Variants in MACROH2A2 observed in about 807,000 individuals in gnomAD.
MACROH2A2 encodes macroH2A.2 histone, also known as core histone macro-H2A.2.
Under a neutral mutation model 37.6 loss-of-function variants are expected in MACROH2A2, and 6 were observed. The observed-to-expected ratio is 0.16, with a 90% CI of 0.09 to 0.32. The LOEUF (loss-of-function observed/expected upper bound fraction) is 0.32. MACROH2A2 is among the 10% of genes least tolerant of loss of function. The pLI, the probability that MACROH2A2 is intolerant of heterozygous loss-of-function variation, is 1.00. For synonymous variants in MACROH2A2, 192 were observed against 202.7 expected, an observed-to-expected ratio of 0.95 and a Z score of 0.45; for missense variants, 290 against 485.9, an observed-to-expected ratio of 0.60 and a Z score of 3.79.
chr10:70,090,939 G>A (rs1024701378), intron 3 of MACROH2A2, among the ~76,000 whole-genome samples: 4 of 152,346 alleles, frequency 2.6e-5, no homozygotes, highest in East Asian at 1.9e-4. Context: ...TGTTGGTTTC[G>A]AATCTGCAGA....
intron 1 of MACROH2A2, among the ~76,000 whole-genome samples, chr10:70,069,107 G>A (rs186170782): frequency 1.2e-3 from 181 of 152,304 alleles, no homozygotes; most frequent in Non-Finnish European, 1.6e-3. Flanking sequence ...TTTATTGCCC[G>A]TGTCTGAGTC....
rs1439418506 is a variant in MACROH2A2, at chr10:70,053,485, T to G, written c.-60+485T>G. Among the ~76,000 whole-genome samples, 11 of 150,954 alleles carry G rather than the reference T, an allele frequency of 7.3e-5. No homozygotes were observed. The highest frequency in any genetic ancestry group is 1.5e-4 in the Non-Finnish European group (10 of 67,620). ...AGGGCCGCTCGGGGGCCTCTGAAGG[T>G]GCCCGGGCAGGGCGCCGGCGGCTCC... On this transcript the variant is annotated intron_variant, in intron 1 of 8. Transcript: ENST00000373255. This position sits in a 1 kb window ranked among gnomAD's most constrained non-coding sequence, Gnocchi z 4.8.
At chr10:70,090,939 G>T (rs1024701378) in intron 3 of MACROH2A2, among the ~76,000 whole-genome samples, 1 of 152,228 alleles carries the variant, frequency 6.6e-6, no homozygotes, top group Non-Finnish European at 1.5e-5. Flanking sequence ...TGTTGGTTTC[G>T]AATCTGCAGA....
intron 2 of MACROH2A2, among the ~76,000 whole-genome samples, chr10:70,087,476 AC>A (rs199811102): frequency 0.049 from 7,402 of 151,792 alleles, 199 homozygotes; most frequent in Non-Finnish European, 0.054. Flanking sequence ...CAAGGGATCC[AC>A]CCATCTCTGC....
chr10:70,064,811 C>T (rs568593608), intron 1 of MACROH2A2, among the ~76,000 whole-genome samples: 25 of 152,044 alleles, frequency 1.6e-4, no homozygotes, highest in African/African-American at 5.5e-4. Flanking sequence ...TCTTTTTGTT[C>T]CCAGTTTTGC....
chr10:70,068,934 T>C (rs1409479742), intron 1 of MACROH2A2, among the ~76,000 whole-genome samples: 12 of 152,244 alleles, frequency 7.9e-5, no homozygotes, highest in Non-Finnish European at 1.5e-5. Context: ...ATGTAGTTTC[T>C]TGTTCAATAA....
chr10:70,078,379 G>A (rs1055300585), intron 2 of MACROH2A2, among the ~76,000 whole-genome samples: 1 of 152,200 alleles, frequency 6.6e-6, no homozygotes, highest in South Asian at 2.1e-4. Context: ...CCTGGGCCAC[G>A]TGGAGGAGGA....
At position 70,103,659 on chromosome 10, in the gene MACROH2A2, G is replaced by A; in HGVS notation, c.778+3362G>A. On this transcript the variant is annotated intron_variant, in intron 7 of 8. Coordinates refer to ENST00000373255, the MANE Select transcript of MACROH2A2 (RefSeq NM_018649.3). ...ATACATGAAAATAAATCCAAAACCT[G>A]GAGTGTTGTGGTAAAGCCTTAGAAA... is the stretch of plus-strand genomic sequence containing the variant. 1.3e-5 allele frequency among the ~76,000 whole-genome samples: 2 copies of A among 152,086 alleles called. 1 individual carries two copies. Among genetic ancestry groups the A allele is most frequent in the Non-Finnish European group, 2.9e-5 (2 of 68,026 alleles).
rs143447677 is a variant in MACROH2A2 at position 70,055,771 on chromosome 10, C to T, written c.-60+2771C>T. On this transcript the variant is annotated intron_variant, in intron 1 of 8. Transcript: ENST00000373255. ...ATAATGCACACATTCTGTGACTCACCATTCCATTTCTCAGTATGTCACCCA... is the reference window on the plus strand; with the variant it reads ...ATAATGCACACATTCTGTGACTCACTATTCCATTTCTCAGTATGTCACCCA... Among the ~76,000 whole-genome samples the T allele has an allele frequency of 1.7e-3, 255 of 152,264 alleles. 1 individual carries two copies. Among genetic ancestry groups the T allele is most frequent in the South Asian group, 9.3e-3 (45 of 4,816 alleles).
chr10:70,064,606 T>C (rs952528616), intron 1 of MACROH2A2, among the ~76,000 whole-genome samples: 2 of 152,132 alleles, frequency 1.3e-5, no homozygotes, highest in Non-Finnish European at 2.9e-5. Context: ...AACTGAATCA[T>C]GGGAGCTGGA....
chr10:70,061,802 T>C (rs2072051742), intron 1 of MACROH2A2, among the ~76,000 whole-genome samples: 1 of 152,248 alleles, frequency 6.6e-6, no homozygotes, highest in Admixed American at 6.5e-5. Context: ...GTTAATTTGG[T>C]TAATTTGATC....
intron 8 of MACROH2A2, 37 bp downstream of exon 8, chr10:70,109,244 T>C (rs774356550): frequency 6.3e-7 from 1 of 1,576,896 alleles, no homozygotes; most frequent in Non-Finnish European, 8.7e-7. Flanking sequence ...TCCTCCGGCT[T>C]TTTCCCTGGA....
At chr10:70,058,622 T>A (rs1347662911) in intron 1 of MACROH2A2, among the ~76,000 whole-genome samples, 1 of 150,628 alleles carries the variant, frequency 6.6e-6, no homozygotes, top group African/African-American at 2.4e-5. Flanking sequence ...CTGGCTGGGC[T>A]GGCACTGCCA....
rs1452096131 is a variant in MACROH2A2, at chr10:70,075,367, C to G, written c.-59-233C>G. 6.6e-6 allele frequency among the ~76,000 whole-genome samples: 1 copy of G among 152,196 alleles called. No individual in the cohort carries two copies. Among genetic ancestry groups the G allele is most frequent in the Admixed American group, 6.5e-5 (1 of 15,280 alleles). The stretch of plus-strand genomic sequence containing the variant: ...TCAGTGACAGTTTTCTGTGGCCTTT[C>G]CTCTTGAGGTCAGGCTGCTTTGGTG... On this transcript the variant is annotated intron_variant, in intron 1 of 8. Coordinates refer to ENST00000373255, the MANE Select transcript of MACROH2A2 (RefSeq NM_018649.3). The surrounding 1 kb of genome is among the most constrained non-coding windows in gnomAD (Gnocchi z 5.0).
intron 2 of MACROH2A2, among the ~76,000 whole-genome samples, chr10:70,083,652 A>C (rs1479252299): frequency 6.6e-6 from 1 of 151,720 alleles, no homozygotes; most frequent in Non-Finnish European, 1.5e-5. Context: ...GCCTCACCTG[A>C]TTCTATGGAC....
At position 70,107,009 on chromosome 10, in the gene MACROH2A2, C is replaced by A. The variant is rs1589841785; in HGVS notation, c.779-2024C>A. On this transcript the variant is annotated intron_variant, in intron 7 of 8. Coordinates refer to ENST00000373255, the MANE Select transcript of MACROH2A2 (RefSeq NM_018649.3). This position sits in a 1 kb window ranked among gnomAD's most constrained non-coding sequence, Gnocchi z 4.4. ...GGGTCCTTGGTTCTCAGCAGAGCAG[C>A]CTCCAGTTTTAGGGGCATCATTGTT... 6.6e-6 allele frequency among the ~76,000 whole-genome samples: 1 copy of A among 152,208 alleles called. No individual in the cohort carries two copies. Among genetic ancestry groups the A allele is most frequent in the Non-Finnish European group, 1.5e-5 (1 of 68,038 alleles).
intron 1 of MACROH2A2, among the ~76,000 whole-genome samples, chr10:70,066,688 A>T (rs1024849321): frequency 6.6e-6 from 1 of 152,128 alleles, no homozygotes; most frequent in Middle Eastern, 3.2e-3. Flanking sequence ...CTATTTGTGG[A>T]TCCTATATTT....
intron 1 of MACROH2A2, among the ~76,000 whole-genome samples, chr10:70,069,320 C>T (rs561416257): frequency 6.6e-6 from 1 of 152,310 alleles, no homozygotes; most frequent in Admixed American, 6.5e-5. Flanking sequence ...AGGAGCCCTA[C>T]ATTCTCCCTC....
At chr10:70,064,480 T>G (rs2072067860) in intron 1 of MACROH2A2, among the ~76,000 whole-genome samples, 1 of 152,250 alleles carries the variant, frequency 6.6e-6, no homozygotes, top group Admixed American at 6.5e-5. Flanking sequence ...AGTTCCTAAC[T>G]GGACACCCTA....
Sources: allele counts gnomAD v4.1 joint callset (sites outside exome capture counted in the v4.1 genomes callset), GRCh38; gene constraint gnomAD v4.1.1; non-coding constraint Gnocchi (gnomAD v3.1); transcripts MANE v1.5; gene names NCBI Gene and HGNC (gene_info 2026-07-23, HGNC 2026-07-21).